SLC39A8: variants seen among roughly 807,000 people sequenced by gnomAD.
SLC39A8 encodes the protein solute carrier family 39 member 8.
Under a neutral mutation model 40.4 loss-of-function variants are expected in SLC39A8, and 15 were observed. The ratio of observed to expected loss-of-function variants is 0.37; its 90% CI spans 0.25 to 0.57. SLC39A8 has a LOEUF of 0.57. Ranked by LOEUF, SLC39A8 falls within the 20% of genes least tolerant of loss-of-function variation. The pLI, the probability that SLC39A8 is intolerant of heterozygous loss-of-function variation, is 0.75. For synonymous variants in SLC39A8, 223 were observed against 221.6 expected (o/e 1.01, Z -0.06); for missense variants, 472 against 558.8 (o/e 0.84, Z 1.57).
At chr4:102,265,584 T>C (rs1003551702) in intron 8 of SLC39A8, among the ~76,000 whole-genome samples, 2 of 152,224 alleles carry the variant, frequency 1.3e-5, no homozygotes, top group African/African-American at 2.4e-5. Context: ...AAACTTTCAA[T>C]GTGCAAAAAA....
At chr4:102,257,257 TCTC>T (rs1233548171), downstream of SLC39A8, among the ~76,000 whole-genome samples, 1 of 151,874 alleles carries the variant, frequency 6.6e-6, no homozygotes, top group Non-Finnish European at 1.5e-5. Context: ...CGGGTTCAAT[TCTC>T]CTGCCTCAGC....
At chr4:102,324,300 C>A in intron 2 of SLC39A8, 1 of 295,594 alleles carries the variant, frequency 3.4e-6, no homozygotes, top group Non-Finnish European at 6.9e-6. Flanking sequence ...AAGGCTGAGG[C>A]AGGAGAATCG....
intron 6 of SLC39A8, among the ~76,000 whole-genome samples, chr4:102,296,819 G>C (rs890715241): frequency 3.9e-5 from 6 of 152,052 alleles, no homozygotes; most frequent in African/African-American, 1.4e-4. Flanking sequence ...CACCTCATAA[G>C]TAACTCAACA....
At chr4:102,264,141 G>T (rs1021259410) in intron 8 of SLC39A8, among the ~76,000 whole-genome samples, 3 of 152,146 alleles carry the variant, frequency 2.0e-5, no homozygotes, top group Non-Finnish European at 4.4e-5. Flanking sequence ...ACTTTGCCCA[G>T]ATGCATCAGA....
At chr4:102,291,690 G>A (rs558959161) in intron 6 of SLC39A8, among the ~76,000 whole-genome samples, 7 of 150,530 alleles carry the variant, frequency 4.7e-5, no homozygotes, top group African/African-American at 1.7e-4. Flanking sequence ...TCTTTGTTAT[G>A]CCCCTAAGGA....
chr4:102,304,453 T>G lies in SLC39A8; in HGVS notation c.704A>C (p.Asn235Thr). 1 of 1,611,290 alleles carries G rather than the reference T, an allele frequency of 6.2e-7. No homozygotes were observed. The highest frequency in any genetic ancestry group is 1.7e-4 in the Middle Eastern group (1 of 6,046). ...QNGHTHFGND[N>T]FGPQEKTHQP... ...ATGAGTTTTTTCTTGAGGACCAAAGTTATCATTTCCAAAGTGGGTATGACC... is the reference window on the plus strand; with the variant it reads ...ATGAGTTTTTTCTTGAGGACCAAAGGTATCATTTCCAAAGTGGGTATGACC... The change falls in exon 6 of 9, where the codon AAC (asparagine) becomes ACC (threonine). Residue 235 changes from asparagine to threonine, a missense_variant. Asn to Thr is a moderately conservative substitution (Grantham distance 65). Transcript: ENST00000356736.
At chr4:102,275,310 C>CAAAA (rs753093293) in intron 6 of SLC39A8, among the ~76,000 whole-genome samples, 2 of 129,958 alleles carry the variant, frequency 1.5e-5, no homozygotes, top group Admixed American at 7.2e-5. Flanking sequence ...AAAAACAAAA[C>CAAAA]AAAAAAGCAG....
Position 102,321,343 on chromosome 4 carries a change from G to A in SLC39A8, c.220-5513C>T, listed in dbSNP as rs560426516. 9.2e-5 allele frequency among the ~76,000 whole-genome samples: 14 copies of A among 152,264 alleles called. No homozygotes were observed. In the South Asian group the frequency reaches 2.9e-3, roughly 32 times the overall value. On this transcript the variant is annotated intron_variant, in intron 2 of 8. Transcript: ENST00000356736. Reference sequence around the variant, plus strand: ...ATGCAGGAGGCAGATAAAAGGGAGGGTCCTCGGAGAATCTCTACCTGCCTG... The same window carrying A: ...ATGCAGGAGGCAGATAAAAGGGAGGATCCTCGGAGAATCTCTACCTGCCTG...
intron 6 of SLC39A8, among the ~76,000 whole-genome samples, chr4:102,285,306 T>C (rs1733114605): frequency 6.6e-6 from 1 of 152,130 alleles, no homozygotes. Context: ...CAGGAGAATG[T>C]CACCACTTAA....
At chr4:102,291,210 G>C (rs775653866) in intron 6 of SLC39A8, among the ~76,000 whole-genome samples, 2 of 151,564 alleles carry the variant, frequency 1.3e-5, no homozygotes, top group Non-Finnish European at 2.9e-5. Flanking sequence ...TCTTCTTTCA[G>C]CTACTTGCAG....
intron 2 of SLC39A8, among the ~76,000 whole-genome samples, chr4:102,323,797 C>A (rs1339884216): frequency 6.6e-6 from 1 of 152,164 alleles, no homozygotes; most frequent in South Asian, 2.1e-4. Flanking sequence ...GACTTGTAAG[C>A]CAGTATTCTG....
At chr4:102,265,479 C>T (rs751206464) in intron 8 of SLC39A8, among the ~76,000 whole-genome samples, 20 of 152,122 alleles carry the variant, frequency 1.3e-4, no homozygotes, top group Non-Finnish European at 2.2e-4. Context: ...GGTTTGAAAT[C>T]GTTTAAAAAT....
At chr4:102,278,422 A>G (rs976105208) in intron 6 of SLC39A8, among the ~76,000 whole-genome samples, 1 of 152,094 alleles carries the variant, frequency 6.6e-6, no homozygotes, top group Non-Finnish European at 1.5e-5. Flanking sequence ...CGAAATGCAA[A>G]TCAAAACCAC....
chr4:102,273,261 G>T (rs1732453152), intron 6 of SLC39A8, among the ~76,000 whole-genome samples: 1 of 152,210 alleles, frequency 6.6e-6, no homozygotes, highest in African/African-American at 2.4e-5. Context: ...TTGGTGTGGG[G>T]AGGGGCATCT....
chr4:102,279,000 G>A (rs1004916651), intron 6 of SLC39A8, among the ~76,000 whole-genome samples: 1 of 151,718 alleles, frequency 6.6e-6, no homozygotes, highest in African/African-American at 2.4e-5. Flanking sequence ...TGTTAGTGGG[G>A]TGGGGGGCAA....
At chr4:102,333,476 G>A (rs1274704572) in intron 2 of SLC39A8, among the ~76,000 whole-genome samples, 3 of 152,130 alleles carry the variant, frequency 2.0e-5, no homozygotes, top group Admixed American at 6.6e-5. Flanking sequence ...CATTTGATAT[G>A]GGAAGGGGAA....
Position 102,344,827 on chromosome 4 carries a change from A to G in SLC39A8, c.-165T>C, listed in dbSNP as rs1736102286. On this transcript the variant is annotated 5_prime_UTR_variant, in exon 2 of 9. Transcript: ENST00000356736. ...CTGGTTCTCCGACGCCTTCGAAAGA[A>G]CAGCAGCTCGCGACCTGCGGGGCAT... is the stretch of plus-strand genomic sequence containing the variant. 7.6e-7 allele frequency: 1 copy of G among 1,319,594 alleles called. No homozygotes were observed. Among genetic ancestry groups the G allele is most frequent in the Admixed American group, 4.2e-5 (1 of 23,854 alleles). The allele number at this position is 1,319,594 out of a possible 1,614,324, so 81.7% of individuals were successfully genotyped here.
At chr4:102,264,314 A>G (rs929544297) in intron 8 of SLC39A8, among the ~76,000 whole-genome samples, 3 of 152,214 alleles carry the variant, frequency 2.0e-5, no homozygotes, top group Admixed American at 1.3e-4. Context: ...AAGAGCTCTT[A>G]GGTGATTTGA....
At chr4:102,334,761 C>G (rs1037768893) in intron 2 of SLC39A8, among the ~76,000 whole-genome samples, 1 of 152,116 alleles carries the variant, frequency 6.6e-6, no homozygotes, top group African/African-American at 2.4e-5. Context: ...GAAAGTGCAT[C>G]GGTTATAGAA....
Sources: allele counts gnomAD v4.1 joint callset (sites outside exome capture counted in the v4.1 genomes callset), GRCh38; gene constraint gnomAD v4.1.1; transcripts MANE v1.5; gene names NCBI Gene and HGNC (gene_info 2026-07-23, HGNC 2026-07-21).